Variants in TXNDC11 observed in about 807,000 individuals in gnomAD.
TXNDC11 encodes the protein thioredoxin domain containing 11, also known as thioredoxin domain-containing protein 11.
TXNDC11 carries 68 observed loss-of-function variants against 78.0 expected under a neutral mutation model. That is an observed-to-expected ratio of 0.87 (90% CI 0.72 to 1.07). The LOEUF (loss-of-function observed/expected upper bound fraction) is 1.07. TXNDC11 is among the 50% of genes least tolerant of loss of function. The pLI is 0.00. For missense variants in TXNDC11, 1,389 were observed against 1,221.8 expected (o/e 1.14, Z -2.04); for synonymous variants, 571 against 495.2 (o/e 1.15, Z -2.03).
intron 5 of TXNDC11, 111 bp from the exon 6 acceptor site, chr16:11,700,675 G>A: frequency 5.1e-6 from 3 of 591,740 alleles, no homozygotes; most frequent in East Asian, 2.9e-5. Context: ...GCTCCTTCTG[G>A]TAACCTAGCC....
In TXNDC11 at chr16:11,693,001, A is replaced by T. The variant is rs7199327; in HGVS notation, c.1108-919T>A. Among the ~76,000 whole-genome samples the T allele has an allele frequency of 1.8e-3, 275 of 152,102 alleles. 1 individual carries two copies. Among genetic ancestry groups the T allele is most frequent in the African/African-American group, 6.4e-3 (266 of 41,480 alleles). On this transcript the variant is annotated intron_variant, in intron 7 of 11. Transcript: ENST00000283033. The stretch of plus-strand genomic sequence containing the variant: ...CACTCCAGGAAGAGCTAGTTTTTGC[A>T]CCTCCAGTGTCCCTGAGACCCCTTC...
chr16:11,742,711 C>A lies in TXNDC11; in HGVS notation c.20G>T (p.Arg7Leu). 1 of 1,483,700 alleles carries A rather than the reference C, an allele frequency of 6.7e-7. No individual in the cohort carries two copies. The allele number at this position is 1,483,700 out of a possible 1,614,324, so 91.9% of individuals were successfully genotyped here. The change falls in exon 1 of 12, where the codon CGC (arginine) becomes CTC (leucine). Residue 7 changes from arginine (R) to leucine (L), a missense_variant. By Grantham distance (102) the Arg-to-Leu change is moderately radical. Coordinates refer to ENST00000283033, the MANE Select transcript of TXNDC11 (RefSeq NM_015914.7). The stretch of plus-strand genomic sequence containing the variant: ...CTCGCTGCTGCTGCTGCCGCCGCCG[C>A]GGCCTCCGCATTCCGACATTACATG... MSECGG[R>L]GGGSSSSEDA...
chr16:11,679,448 C>G lies in TXNDC11; in HGVS notation c.2624G>C (p.Arg875Pro), dbSNP rs146197324. 4 of 1,613,238 alleles carry G rather than the reference C, an allele frequency of 2.5e-6. No homozygotes were observed. The highest frequency in any genetic ancestry group is 1.1e-5 in the South Asian group (1 of 91,060). ...GGCATCGGCCAGCTCCTGCAGCTTG[C>G]GGGCCAGCTCCTGCAGCTCACGTGT... ...QKTRELQELA[R>P]KLQELADASE... is the part of the protein sequence containing the mutation. The change falls in exon 12 of 12, where the codon CGC becomes CCC. Residue 875 changes from arginine to proline, a missense_variant. Coordinates refer to ENST00000283033, the MANE Select transcript of TXNDC11 (RefSeq NM_015914.7). The surrounding 1 kb of genome is among the most constrained non-coding windows in gnomAD (Gnocchi z 4.6).
Position 11,691,629 on chromosome 16 carries a change from C to T in TXNDC11, c.1561G>A (p.Asp521Asn), listed in dbSNP as rs769226555. The T allele has an allele frequency of 6.8e-6, 11 of 1,614,016 alleles. No homozygotes were observed. In the African/African-American group the frequency reaches 9.3e-5, roughly 14 times the overall value. ...TISRGVSGFI[D>N]SEQGVFEAPT... ...GCTTCAAAGACACCTTGTTCAGAGT[C>T]GATGAAGCCTGACACACCCCTGCTT... The change falls in exon 8 of 12, where the codon GAC becomes AAC. Residue 521 changes from aspartate to asparagine, a missense_variant. Physicochemically the swap from Asp to Asn is conservative, Grantham distance 23 (BLOSUM62 1). Coordinates refer to ENST00000283033, the MANE Select transcript of TXNDC11 (RefSeq NM_015914.7).
chr16:11,692,261 G>A (rs2050742894), intron 7 of TXNDC11, 179 bp from the exon 8 acceptor site: 1 of 559,164 alleles, frequency 1.8e-6, no homozygotes, highest in African/African-American at 1.9e-5. Flanking sequence ...GTCGCTCTGA[G>A]TAGTGTGATG....
At chr16:11,692,711 T>G (rs1220050441) in intron 7 of TXNDC11, among the ~76,000 whole-genome samples, 2 of 151,844 alleles carry the variant, frequency 1.3e-5, no homozygotes, top group African/African-American at 4.8e-5. Flanking sequence ...TAGATGAGAG[T>G]GCAGGGGGAG....
intron 11 of TXNDC11, 103 bp downstream of exon 11, chr16:11,684,062 A>T: frequency 4.7e-6 from 4 of 846,652 alleles, no homozygotes; most frequent in Non-Finnish European, 7.7e-6. Context: ...CTAAGGGAAC[A>T]TTTTTTGAAC....
chr16:11,694,097 CTTTTTTTTTTT>C (rs535913245), intron 7 of TXNDC11, among the ~76,000 whole-genome samples: 2,437 of 85,648 alleles, frequency 0.028, 79 homozygotes, highest in East Asian at 0.23. Context: ...TACAGCAATG[CTTTTTTTTTTT>C]TTTTTTTTTT....
intron 10 of TXNDC11, among the ~76,000 whole-genome samples, chr16:11,686,579 T>C (rs963226719): frequency 2.6e-5 from 4 of 152,252 alleles, no homozygotes; most frequent in African/African-American, 9.6e-5. Flanking sequence ...ATTAGATACA[T>C]CTGACTGCAG....
chr16:11,742,441 C>G, intron 1 of TXNDC11, 36 bp downstream of exon 1: 5 of 1,362,026 alleles, frequency 3.7e-6, no homozygotes, highest in Non-Finnish European at 3.8e-6. Flanking sequence ...GCAAGGGGAG[C>G]GCCCTAGCGG....
chr16:11,695,427 G>T (rs1210885301), intron 7 of TXNDC11, among the ~76,000 whole-genome samples: 5 of 152,102 alleles, frequency 3.3e-5, no homozygotes, highest in African/African-American at 1.2e-4. Flanking sequence ...CATCCTCAAA[G>T]TTCTGCCCAA....
intron 5 of TXNDC11, among the ~76,000 whole-genome samples, chr16:11,714,716 A>T (rs914853784): frequency 6.6e-6 from 1 of 152,130 alleles, no homozygotes; most frequent in Admixed American, 6.5e-5. Context: ...GGCACTTTTT[A>T]TGCGTACCGA....
intron 2 of TXNDC11, among the ~76,000 whole-genome samples, chr16:11,735,738 T>C (rs2052200588): frequency 6.6e-6 from 1 of 152,210 alleles, no homozygotes; most frequent in South Asian, 2.1e-4. Flanking sequence ...TCAGTCCCTC[T>C]ACCTTTTTCA....
At chr16:11,698,486 C>T (rs1461134805) in intron 6 of TXNDC11, among the ~76,000 whole-genome samples, 161 bp from the exon 7 acceptor site, 2 of 152,250 alleles carry the variant, frequency 1.3e-5, no homozygotes, top group African/African-American at 2.4e-5. Context: ...TCTCCAGAGA[C>T]AGCATTTCCT....
chr16:11,727,810 T>C (rs1293774282), intron 4 of TXNDC11, among the ~76,000 whole-genome samples: 1 of 152,230 alleles, frequency 6.6e-6, no homozygotes, highest in Non-Finnish European at 1.5e-5. Context: ...AAGACATGTT[T>C]TCTTCCTCTT....
rs148065309 is a variant in TXNDC11 at position 11,690,313 on chromosome 16, GC to G, written c.1900+976del. Among the ~76,000 whole-genome samples, 984 of 152,356 alleles carry G rather than the reference GC, an allele frequency of 6.5e-3. 17 individuals carry two copies. Among genetic ancestry groups the G allele is most frequent in the African/African-American group, 0.022 (935 of 41,570 alleles). ...TGTTGCTGCCAAGTCCCAGGGGCAA[GC>G]TCTGGGTGCTTTCTCATCATGGAGC... On this transcript the variant is annotated intron_variant, in intron 8 of 11. Coordinates refer to ENST00000283033, the MANE Select transcript of TXNDC11 (RefSeq NM_015914.7).
chr16:11,688,663 A>C (rs1469847355), intron 8 of TXNDC11: 2 of 445,226 alleles, frequency 4.5e-6, no homozygotes, highest in East Asian at 3.4e-5. Flanking sequence ...ATAACAAAAC[A>C]CTATGCAATG....
chr16:11,709,221 A>G (rs2051266797), intron 5 of TXNDC11, among the ~76,000 whole-genome samples: 1 of 151,950 alleles, frequency 6.6e-6, no homozygotes, highest in South Asian at 2.1e-4. Flanking sequence ...GTTTGCCAAG[A>G]TATTACTAAA....
chr16:11,728,511 G>C (rs2051949804), intron 4 of TXNDC11, among the ~76,000 whole-genome samples: 1 of 152,178 alleles, frequency 6.6e-6, no homozygotes, highest in Non-Finnish European at 1.5e-5. Context: ...AGGCAGTCCA[G>C]TTTAATCACT....
Sources: gnomAD v4.1 joint callset for allele counts (sites outside exome capture counted in the v4.1 genomes callset) on GRCh38, gnomAD v4.1.1 for gene constraint, Gnocchi (gnomAD v3.1) non-coding constraint, MANE v1.5 for transcripts, NCBI Gene and HGNC (gene_info 2026-07-23, HGNC 2026-07-21) for gene names.